The following C20orf203 variants were observed in gnomAD, a reference collection of about 807,000 sequenced individuals.
C20orf203 encodes uncharacterized protein C20orf203.
Under a neutral mutation model 15.9 loss-of-function variants are expected in C20orf203, and 16 were observed. The observed-to-expected ratio is 1.01, with a 90% confidence interval of 0.68 to 1.53. The LOEUF (loss-of-function observed/expected upper bound fraction) is 1.53, where lower values mean the gene tolerates loss of function less well. C20orf203 is among the 40% of genes most tolerant of loss of function. C20orf203 has a pLI of 0.00. For synonymous variants in C20orf203, 98 were observed against 97.2 expected, an observed-to-expected ratio of 1.01 and a Z score of -0.05; for missense variants, 263 against 247.5, an observed-to-expected ratio of 1.06 and a Z score of -0.42.
intron 4 of C20orf203, among the ~76,000 whole-genome samples, chr20:32,642,568 CTGTTTTTACG>C (rs1982314429): frequency 6.6e-6 from 1 of 152,174 alleles, no homozygotes; most frequent in Non-Finnish European, 1.5e-5. Context: ...TCTATCTGGC[CTGTTTTTACG>C]TGACTGACTA....
chr20:32,634,617 A>G (rs1453338579), intron 5 of C20orf203, among the ~76,000 whole-genome samples: 1 of 152,214 alleles, frequency 6.6e-6, no homozygotes, highest in Non-Finnish European at 1.5e-5. Flanking sequence ...CGAGTGAAAC[A>G]GCCTCTGTGC....
intron 1 of C20orf203, among the ~76,000 whole-genome samples, chr20:32,659,088 G>A (rs1294891234): frequency 1.3e-5 from 2 of 151,998 alleles, no homozygotes; most frequent in African/African-American, 4.8e-5. Context: ...TGTTGGTCAG[G>A]CTGGTCTCAA....
intron 4 of C20orf203, among the ~76,000 whole-genome samples, chr20:32,641,550 T>C (rs886819735): frequency 1.3e-5 from 2 of 152,190 alleles, no homozygotes; most frequent in African/African-American, 4.8e-5. Flanking sequence ...CCAGACTGTT[T>C]TCCAAAATGA....
chr20:32,671,677 T>C (rs983869329), intron 1 of C20orf203, among the ~76,000 whole-genome samples: 2 of 151,602 alleles, frequency 1.3e-5, no homozygotes, highest in East Asian at 3.9e-4. Flanking sequence ...CTGTCTCTAC[T>C]AAAAATACAA....
Position 32,634,545 on chromosome 20 carries a change from A to G in C20orf203, c.*1300-275T>C, listed in dbSNP as rs776909966. ...AAAAAAACACAACAAAACAATCAGCAATGTGGACATGAAGTTACGCAGGAC... is the reference window on the plus strand; with the variant it reads ...AAAAAAACACAACAAAACAATCAGCGATGTGGACATGAAGTTACGCAGGAC... On this transcript the variant is annotated intron_variant, in intron 5 of 5. Coordinates refer to ENST00000608990, the MANE Select transcript of C20orf203 (RefSeq NM_182584.4). 1.8e-3 allele frequency among the ~76,000 whole-genome samples: 269 copies of G among 152,126 alleles called. 2 individuals are homozygous for G. The highest frequency in any genetic ancestry group is 2.9e-3 in the Non-Finnish European group (195 of 68,022).
chr20:32,664,887 C>T (rs1432856316), intron 1 of C20orf203, among the ~76,000 whole-genome samples: 1 of 152,226 alleles, frequency 6.6e-6, no homozygotes, highest in Non-Finnish European at 1.5e-5. Context: ...GGCAGTGAGT[C>T]GATCCTCATT....
intron 1 of C20orf203, among the ~76,000 whole-genome samples, chr20:32,672,484 G>A (rs965635181): frequency 6.6e-6 from 1 of 151,690 alleles, no homozygotes; most frequent in African/African-American, 2.4e-5. Flanking sequence ...GAGGCAGGAG[G>A]ACTGCTTGAG....
Position 32,650,225 on chromosome 20 carries a change from C to G in C20orf203, c.*207G>C. 1 of 571,994 alleles carries G rather than the reference C, an allele frequency of 1.7e-6. No individual in the cohort carries two copies. The allele number at this position is 571,994 out of a possible 1,614,324, so 35.4% of individuals were successfully genotyped here. ...ACCCAGAGCCAGCCTGGCACAGCCT[C>G]GGTCCCTAATCATGTTTGCTGAATG... On this transcript the variant is annotated 3_prime_UTR_variant, in exon 4 of 6. Transcript: ENST00000608990.
At chr20:32,648,685 C>G (rs901130762) in intron 4 of C20orf203, among the ~76,000 whole-genome samples, 10 of 151,130 alleles carry the variant, frequency 6.6e-5, no homozygotes, top group Non-Finnish European at 1.3e-4. Context: ...ATCTCCTGAC[C>G]TCGTGATCCG....
intron 2 of C20orf203, 68 bp from the exon 3 acceptor site, chr20:32,651,234 T>C: frequency 6.6e-6 from 3 of 454,520 alleles, no homozygotes; most frequent in Non-Finnish European, 1.1e-5. Flanking sequence ...GTTCAGCTAC[T>C]CATGGGGTAG....
intron 1 of C20orf203, among the ~76,000 whole-genome samples, chr20:32,652,315 T>C (rs1600934131): frequency 2.5e-5 from 2 of 81,308 alleles, no homozygotes; most frequent in Admixed American, 2.1e-4. Flanking sequence ...AGAGCAAGAC[T>C]CCATCTCAAA....
intron 4 of C20orf203, among the ~76,000 whole-genome samples, chr20:32,645,047 C>T (rs1259297891): frequency 6.6e-6 from 1 of 152,004 alleles, no homozygotes; most frequent in Non-Finnish European, 1.5e-5. Context: ...CCTTCCCATT[C>T]CTAAGCCAGG....
intron 1 of C20orf203, among the ~76,000 whole-genome samples, chr20:32,670,413 G>A (rs992372666): frequency 6.8e-6 from 1 of 146,790 alleles, no homozygotes; most frequent in Non-Finnish European, 1.5e-5. Flanking sequence ...GGCTGAGGCA[G>A]GGAGAATTGC....
chr20:32,660,845 C>T (rs1031298090), intron 1 of C20orf203, among the ~76,000 whole-genome samples: 3 of 151,676 alleles, frequency 2.0e-5, no homozygotes, highest in Admixed American at 6.6e-5. Flanking sequence ...CTTCACACGG[C>T]GGCAGGAGAG....
chr20:32,635,373 C>T (rs1982109633), intron 5 of C20orf203, among the ~76,000 whole-genome samples: 1 of 152,032 alleles, frequency 6.6e-6, no homozygotes, highest in Admixed American at 6.6e-5. Context: ...GTGGCACATG[C>T]CTGTAATCCC....
chr20:32,642,445 C>T (rs556214938), intron 4 of C20orf203, among the ~76,000 whole-genome samples: 1 of 152,310 alleles, frequency 6.6e-6, no homozygotes, highest in South Asian at 2.1e-4. Flanking sequence ...CCAAGAAGTC[C>T]ACACCCCAGG....
chr20:32,650,786 C>T lies in C20orf203; in HGVS notation c.231G>A (p.Gln77=), dbSNP rs1982596691. 5 of 1,507,672 alleles carry T rather than the reference C, an allele frequency of 3.3e-6. No individual in the cohort carries two copies. Among genetic ancestry groups the T allele is most frequent in the East Asian group, 2.5e-5 (1 of 40,518 alleles). The allele number at this position is 1,507,672 out of a possible 1,614,324, so 93.4% of individuals were successfully genotyped here. A position where few individuals can be genotyped will look rare whatever the true frequency, so the allele number is the denominator to read the frequency against. ...GAGGAGGCTGGCGCTGGTGGCTGGGCTGGGGGTGGACTCGCTGAGCCTTTG... is the reference window on the plus strand; with the variant it reads ...GAGGAGGCTGGCGCTGGTGGCTGGGTTGGGGGTGGACTCGCTGAGCCTTTG... ...RTSKAQRVHP[Q]PSHQRQPPPP... Residue 77 remains glutamine (Q), a synonymous_variant, in exon 4 of 6, where the codon CAG becomes CAA. Transcript: ENST00000608990.
At position 32,636,018 on chromosome 20, in the gene C20orf203, C is replaced by T. The variant is rs112685924; in HGVS notation, c.*1300-1748G>A. ...CTGAATGCCCTCTGCTTTCTCTCTCCATCTGGCACAGTTCCCCCAGCCCCC... is the reference window on the plus strand; with the variant it reads ...CTGAATGCCCTCTGCTTTCTCTCTCTATCTGGCACAGTTCCCCCAGCCCCC... On this transcript the variant is annotated intron_variant, in intron 5 of 5. Transcript: ENST00000608990. Among the ~76,000 whole-genome samples, 11 of 152,304 alleles carry T rather than the reference C, an allele frequency of 7.2e-5. 1 individual carries two copies. Among genetic ancestry groups the T allele is most frequent in the African/African-American group, 2.6e-4 (11 of 41,548 alleles).
intron 1 of C20orf203, among the ~76,000 whole-genome samples, chr20:32,664,236 T>C (rs1982966630): frequency 6.6e-6 from 1 of 152,210 alleles, no homozygotes; most frequent in Non-Finnish European, 1.5e-5. Context: ...CCAAGTTCAC[T>C]TAAAAGCAGT....
Sources: gnomAD v4.1 joint callset for allele counts (sites outside exome capture counted in the v4.1 genomes callset) on GRCh38, gnomAD v4.1.1 for gene constraint, MANE v1.5 for transcripts, NCBI Gene and HGNC (gene_info 2026-07-23, HGNC 2026-07-21) for gene names.